Variants in SPACA6 observed in about 807,000 individuals in gnomAD.
The protein encoded by SPACA6 is sperm acrosome membrane-associated protein 6.
For missense variants in SPACA6, 8 were observed against 2.8 expected (o/e 2.88, Z -1.34); for synonymous variants, 6 against 1.5 (o/e 4.05, Z -2.21).
At chr19:51,685,025 T>C (rs538812500), upstream of SPACA6, among the ~76,000 whole-genome samples, 2 of 152,354 alleles carry the variant, frequency 1.3e-5, no homozygotes, top group South Asian at 4.1e-4. Flanking sequence ...TCTGCTACTT[T>C]GATGTTCCTC....
At chr19:51,705,657 A>G (rs923823557), downstream of SPACA6, among the ~76,000 whole-genome samples, 6 of 151,242 alleles carry the variant, frequency 4.0e-5, no homozygotes, top group African/African-American at 1.2e-4. Context: ...GCCTCTCTCC[A>G]CTGTAGCCCA....
chr19:51,710,016 A>C (rs938754655), downstream of SPACA6, among the ~76,000 whole-genome samples: 1 of 152,180 alleles, frequency 6.6e-6, no homozygotes, highest in Non-Finnish European at 1.5e-5. Flanking sequence ...AGCATGTGAA[A>C]GGTGACCTGT....
rs1397537044 is a variant in SPACA6 at position 51,702,692 on chromosome 19, G to A, written c.385+40G>A. ...TAAAACTTGGAAATTGCGGGGTAAG[G>A]GAGGCGGTCGGGGACGAAACGTACG... On this transcript the variant is annotated intron_variant, in intron 4 of 8. Transcript: ENST00000637797. The A allele has an allele frequency of 7.5e-6, 3 of 399,050 alleles. No homozygotes were observed. The Admixed American group carries it at 1.3e-4, about 18-fold the overall frequency. 24.7% of individuals were successfully genotyped at this position (399,050 alleles called of 1,614,324 possible).
downstream of SPACA6, among the ~76,000 whole-genome samples, chr19:51,706,188 G>A (rs942920806): frequency 1.3e-5 from 2 of 152,062 alleles, no homozygotes; most frequent in South Asian, 4.2e-4. Context: ...CCACCCTGCG[G>A]TTTTTCTCTG....
chr19:51,688,514 A>AT (rs905505162), upstream of SPACA6: 21 of 151,684 alleles, frequency 1.4e-4, no homozygotes, highest in African/African-American at 4.9e-4. Context: ...GCAAGGGCAG[A>AT]TTCGGGTCTG....
chr19:51,695,630 T>C (rs552810723), intron 2 of SPACA6, among the ~76,000 whole-genome samples: 7 of 152,300 alleles, frequency 4.6e-5, no homozygotes, highest in Admixed American at 2.6e-4. Context: ...AACCTCTCCA[T>C]GTGGGGGTGT....
At chr19:51,699,828 C>T (rs1314598451) in intron 2 of SPACA6, among the ~76,000 whole-genome samples, 1 of 152,018 alleles carries the variant, frequency 6.6e-6, no homozygotes, top group Non-Finnish European at 1.5e-5. Flanking sequence ...GGGGGGTGGG[C>T]GGCACGATTT....
In SPACA6 at chr19:51,704,165, C is replaced by T. The variant is rs2083494217; in HGVS notation, c.709C>T (p.Arg237Trp). The T allele has an allele frequency of 2.5e-6, 1 of 400,944 alleles. No homozygotes were observed. Among genetic ancestry groups the T allele is most frequent in the African/African-American group, 2.1e-5 (1 of 48,678 alleles). The allele number at this position is 400,944 out of a possible 1,614,324, so 24.8% of individuals were successfully genotyped here. ...VIKQDQRPLA[R>W]LYFFLNVTGP... is the part of the protein sequence containing the mutation. ...CAAGCAAGACCAGCGCCCCCTGGCC[C>T]GGCTCTACTTCTTTCTTAACGGTGG... Residue 237 changes from arginine (R) to tryptophan (W), a missense_variant, in exon 7 of 9, where the codon CGG becomes TGG. By Grantham distance (101) the Arg-to-Trp change is moderately radical. Coordinates refer to ENST00000637797, the MANE Select transcript of SPACA6 (RefSeq NM_001316972.2).
chr19:51,696,619 T>G (rs900279618), intron 2 of SPACA6, among the ~76,000 whole-genome samples: 1 of 152,102 alleles, frequency 6.6e-6, no homozygotes, highest in Non-Finnish European at 1.5e-5. Flanking sequence ...GGCTAATTTT[T>G]TAAATAGTTT....
the SPACA6 span, among the ~76,000 whole-genome samples, chr19:51,683,443 A>C: frequency 2.1e-4 from 32 of 152,248 alleles, no homozygotes; most frequent in African/African-American, 7.7e-4. Flanking sequence ...GTGGGGACAC[A>C]ATTTAACTCA....
chr19:51,695,378 C>T (rs2083421889), intron 2 of SPACA6, among the ~76,000 whole-genome samples: 1 of 152,202 alleles, frequency 6.6e-6, no homozygotes, highest in Non-Finnish European at 1.5e-5. Flanking sequence ...CTCGGAGTTG[C>T]AGGAGTTACA....
intron 1 of SPACA6, 73 bp from the exon 2 acceptor site, chr19:51,694,403 CAG>C (rs1192117569): frequency 5.0e-5 from 20 of 399,038 alleles, no homozygotes; most frequent in East Asian, 1.4e-4. Flanking sequence ...GACTCAGAAA[CAG>C]AATGTTCGCA....
intron 2 of SPACA6, among the ~76,000 whole-genome samples, chr19:51,696,135 G>A (rs1426323883): frequency 6.6e-6 from 1 of 152,130 alleles, no homozygotes; most frequent in Non-Finnish European, 1.5e-5. Context: ...CAGCAGGAGT[G>A]TGAGCAGTGA....
chr19:51,704,125 G>GT lies in SPACA6; in HGVS notation c.671dup (p.Ser225LeufsTer19), dbSNP rs926350954. On this transcript the variant is annotated frameshift_variant, in exon 7 of 9. Transcript: ENST00000637797. LOFTEE classifies it high-confidence loss of function. ...CGGCTCAGCTCACGCACCGCGGGAC[G>GT]TTCTCCTGCGTGATCAAGCAAGACC... is the stretch of plus-strand genomic sequence containing the variant. The GT allele has an allele frequency of 5.0e-6, 2 of 401,068 alleles. No homozygotes were observed. The highest frequency in any genetic ancestry group is 8.8e-6 in the Non-Finnish European group (2 of 226,212). 24.8% of individuals were successfully genotyped at this position (401,068 alleles called of 1,614,324 possible).
downstream of SPACA6, chr19:51,705,241 G>A (rs2083509920): frequency 2.5e-6 from 1 of 398,890 alleles, no homozygotes; most frequent in East Asian, 3.6e-5. Context: ...AGGAGGAGGT[G>A]CAGCAAGCCC....
chr19:51,705,286 C>T (rs2083510135), downstream of SPACA6: 2 of 393,852 alleles, frequency 5.1e-6, no homozygotes, highest in East Asian at 7.2e-5. Flanking sequence ...CGCATAATGA[C>T]AGTGATAGGC....
Position 51,703,969 on chromosome 19 carries a change from G to T in SPACA6, c.574-61G>T. Reference sequence around the variant, plus strand: ...GGGCGTGGTCTGGCTCGGGGGGCGGGGCTTGTAGGTTACTCAGTGGCAAGC... The same window carrying T: ...GGGCGTGGTCTGGCTCGGGGGGCGGTGCTTGTAGGTTACTCAGTGGCAAGC... On this transcript the variant is annotated intron_variant, in intron 6 of 8. Coordinates refer to ENST00000637797, the MANE Select transcript of SPACA6 (RefSeq NM_001316972.2). This position sits in a 1 kb window ranked among gnomAD's most constrained non-coding sequence, Gnocchi z 4.2. 2.5e-6 allele frequency: 1 copy of T among 399,344 alleles called. No homozygotes were observed. The highest frequency in any genetic ancestry group is 4.4e-6 in the Non-Finnish European group (1 of 226,244). The allele number at this position is 399,344 out of a possible 1,614,324, so 24.7% of individuals were successfully genotyped here.
At chr19:51,706,456 A>T (rs572782990), downstream of SPACA6, among the ~76,000 whole-genome samples, 7 of 151,918 alleles carry the variant, frequency 4.6e-5, no homozygotes, top group Admixed American at 3.3e-4. Flanking sequence ...TGGCCTCCTT[A>T]TTAGGTCCCT....
At chr19:51,691,319 A>G (rs1027028800), upstream of SPACA6, among the ~76,000 whole-genome samples, 1 of 150,446 alleles carries the variant, frequency 6.6e-6, no homozygotes, top group Non-Finnish European at 1.5e-5. Context: ...GAGAGAGAGC[A>G]GGAGACGGAG....
Sources: gnomAD v4.1 joint callset for allele counts (sites outside exome capture counted in the v4.1 genomes callset) on GRCh38, gnomAD v4.1.1 for gene constraint, Gnocchi (gnomAD v3.1) non-coding constraint, MANE v1.5 for transcripts, NCBI Gene and HGNC (gene_info 2026-07-23, HGNC 2026-07-21) for gene names.